Variants in CLCC1 observed in about 807,000 individuals in gnomAD.
The protein encoded by CLCC1 is chloride channel CLIC-like protein 1.
CLCC1 carries 39 observed loss-of-function variants against 63.3 expected under a neutral mutation model. The observed-to-expected ratio is 0.62, with a 90% CI of 0.48 to 0.81. The LOEUF is 0.81. Ranked by LOEUF, CLCC1 falls within the 30% of genes least tolerant of loss-of-function variation. The pLI is 0.00. For synonymous variants in CLCC1, 217 were observed against 239.8 expected, an observed-to-expected ratio of 0.90 and a Z score of 0.88; for missense variants, 549 against 669.4, an observed-to-expected ratio of 0.82 and a Z score of 1.98.
intron 5 of CLCC1, among the ~76,000 whole-genome samples, chr1:108,946,126 C>T (rs1214207967): frequency 1.3e-5 from 2 of 152,042 alleles, no homozygotes; most frequent in East Asian, 1.9e-4. Context: ...CTGGCTAACA[C>T]GGTGAAACCC....
chr1:108,939,698 T>C lies in CLCC1; in HGVS notation c.979A>G (p.Met327Val). 2 of 1,614,196 alleles carry C rather than the reference T, an allele frequency of 1.2e-6. No individual in the cohort carries two copies. The highest frequency in any genetic ancestry group is 1.7e-6 in the Non-Finnish European group (2 of 1,180,034). The change falls in exon 10 of 13, where the codon ATG becomes GTG. Residue 327 changes from methionine (M) to valine (V), a missense_variant. Physicochemically the swap from Met to Val is conservative, Grantham distance 21. Transcript: ENST00000369969. ...KGTGEFIKAL[M>V]KEIPALLHLP... ...TGAAGCAGCGCTGGAATTTCCTTCA[T>C]GAGTGCTTTAATAAATTCCCCAGTT...
At chr1:108,954,842 G>GTGTGTGTGTA (rs1404613831) in intron 2 of CLCC1, among the ~76,000 whole-genome samples, 1 of 150,358 alleles carries the variant, frequency 6.7e-6, no homozygotes, top group Admixed American at 6.6e-5. Context: ...GTGTGTGTGT[G>GTGTGTGTGTA]TGTGTGTGTG....
chr1:108,957,425 T>C (rs1656057902), intron 2 of CLCC1, among the ~76,000 whole-genome samples: 1 of 151,346 alleles, frequency 6.6e-6, no homozygotes. Context: ...GCAGCCAAAC[T>C]ATGCAGGCAC....
rs1653167589 is a variant in CLCC1 at position 108,937,342 on chromosome 1, G to A, written c.1118C>T (p.Ala373Val). The change falls in exon 11 of 13, where the codon GCA becomes GTA. Residue 373 changes from alanine to valine, a missense_variant. Coordinates refer to ENST00000369969, the MANE Select transcript of CLCC1 (RefSeq NM_001377458.1). ...IGGPESEPPQ[A>V]LRPRDRRRQE... is the part of the protein sequence containing the mutation. Reference sequence around the variant, plus strand: ...CCGTCTTCTATCCCGTGGCCGAAGTGCCTGGGGAGGTTCGCTCTCAGGACC... The same window carrying A: ...CCGTCTTCTATCCCGTGGCCGAAGTACCTGGGGAGGTTCGCTCTCAGGACC... 6.2e-7 allele frequency: 1 copy of A among 1,614,194 alleles called. No homozygotes were observed.
intron 3 of CLCC1, 59 bp from the exon 4 acceptor site, chr1:108,949,980 T>C (rs1333139847): frequency 1.7e-5 from 18 of 1,053,644 alleles, no homozygotes; most frequent in Non-Finnish European, 2.6e-5. Context: ...AAATAGCCTT[T>C]GGTTAATGAA....
chr1:108,929,825 G>A lies in CLCC1; in HGVS notation c.*2722C>T. 6.2e-7 allele frequency: 1 copy of A among 1,614,080 alleles called. No homozygotes were observed. Among genetic ancestry groups the A allele is most frequent in the Non-Finnish European group, 8.5e-7 (1 of 1,179,980 alleles). ...CAGGGAAAGAGAATGGATGAACAGA[G>A]AGTTCTTTTACAAAGAGATCAAAAC... On this transcript the variant is annotated 3_prime_UTR_variant, in exon 13 of 13. Coordinates refer to ENST00000369969, the MANE Select transcript of CLCC1 (RefSeq NM_001377458.1).
Position 108,931,436 on chromosome 1 carries a change from G to T in CLCC1, c.*1111C>A. 6.4e-7 allele frequency: 1 copy of T among 1,550,972 alleles called. No homozygotes were observed. The highest frequency in any genetic ancestry group is 8.7e-7 in the Non-Finnish European group (1 of 1,147,078). ...TCACAGACTGCAAAGGCCCACGCTT[G>T]GAACAAGTTGCCAACTTGTTTCACT... is the stretch of plus-strand genomic sequence containing the variant. On this transcript the variant is annotated 3_prime_UTR_variant, in exon 13 of 13. Transcript: ENST00000369969.
intron 11 of CLCC1, 131 bp from the exon 12 acceptor site, chr1:108,935,073 C>G: frequency 1.2e-6 from 1 of 833,780 alleles, no homozygotes; most frequent in South Asian, 1.9e-5. Context: ...GGGTCCAGTG[C>G]TGGGTTATAA....
At chr1:108,935,355 A>G (rs892690327) in intron 11 of CLCC1, among the ~76,000 whole-genome samples, 4 of 152,280 alleles carry the variant, frequency 2.6e-5, no homozygotes, top group Non-Finnish European at 5.9e-5. Context: ...TTAGAAGAAA[A>G]TCACACAAGT....
In CLCC1 at chr1:108,943,479, T is replaced by A; in HGVS notation, c.698A>T (p.Tyr233Phe). 1 of 1,613,520 alleles carries A rather than the reference T, an allele frequency of 6.2e-7. No homozygotes were observed. Among genetic ancestry groups the A allele is most frequent in the Non-Finnish European group, 8.5e-7 (1 of 1,179,666 alleles). Residue 233 changes from tyrosine (Y) to phenylalanine (F), a missense_variant, in exon 7 of 13, where the codon TAT (tyrosine) becomes TTT (phenylalanine). Tyr to Phe is a conservative substitution (Grantham distance 22). Transcript: ENST00000369969. ...AACCCTCCATCCATATAATACCTTATATAAATACATCCAATTCCATCCCAA... is the reference window on the plus strand; with the variant it reads ...AACCCTCCATCCATATAATACCTTAAATAAATACATCCAATTCCATCCCAA... ...FSLGWNWMYLYKLAFAQHQAE... is the reference protein window; with the variant it reads ...FSLGWNWMYLFKLAFAQHQAE...
At position 108,931,627 on chromosome 1, in the gene CLCC1, C is replaced by CT. The variant is rs1011666116; in HGVS notation, c.*919dup. On this transcript the variant is annotated 3_prime_UTR_variant, in exon 13 of 13. Transcript: ENST00000369969. ...GGAATTAATTACATTAAGTGCTCAG[C>CT]TAAAAAAAAAAAAAAAGTTCTAAAT... 8.9e-6 allele frequency: 9 copies of CT among 1,011,690 alleles called. No homozygotes were observed. Among genetic ancestry groups the CT allele is most frequent in the African/African-American group, 7.8e-5 (3 of 38,356 alleles). 62.7% of individuals were successfully genotyped at this position (1,011,690 alleles called of 1,614,324 possible). A position where few individuals can be genotyped will look rare whatever the true frequency, so the allele number is the denominator to read the frequency against.
At chr1:108,935,601 C>T (rs1652796037) in intron 11 of CLCC1, among the ~76,000 whole-genome samples, 1 of 151,890 alleles carries the variant, frequency 6.6e-6, no homozygotes, top group African/African-American at 2.4e-5. Flanking sequence ...CCCATATCCA[C>T]AAAAAATAAA....
At chr1:108,935,929 G>A (rs1652867395) in intron 11 of CLCC1, among the ~76,000 whole-genome samples, 1 of 152,102 alleles carries the variant, frequency 6.6e-6, no homozygotes, top group Admixed American at 6.5e-5. Flanking sequence ...GGTGACCAGA[G>A]AGGTAGTGGA....
intron 2 of CLCC1, among the ~76,000 whole-genome samples, chr1:108,953,862 T>A (rs1655509267): frequency 6.6e-6 from 1 of 151,130 alleles, no homozygotes; most frequent in Admixed American, 6.6e-5. Context: ...AATACAAAAT[T>A]AGCTGGGTAT....
At chr1:108,946,712 A>G (rs532851394) in intron 5 of CLCC1, among the ~76,000 whole-genome samples, 4 of 152,206 alleles carry the variant, frequency 2.6e-5, no homozygotes, top group Non-Finnish European at 5.9e-5. Context: ...ATAGGAAAAA[A>G]AAAGTCTATG....
chr1:108,962,019 G>A (rs913483584), intron 2 of CLCC1, among the ~76,000 whole-genome samples: 1 of 152,146 alleles, frequency 6.6e-6, no homozygotes, highest in Admixed American at 6.5e-5. Context: ...CTAGTAAGTG[G>A]TAGAACCCAG....
At chr1:108,937,026 AT>A (rs1653120354) in intron 11 of CLCC1, 50 bp downstream of exon 11, 1 of 1,322,070 alleles carries the variant, frequency 7.6e-7, no homozygotes, top group African/African-American at 1.5e-5. Context: ...TTCCAGAAGG[AT>A]TTAGAACCAG....
At chr1:108,950,571 G>T in intron 2 of CLCC1, 123 bp from the exon 3 acceptor site, 1 of 449,640 alleles carries the variant, frequency 2.2e-6, no homozygotes, top group Non-Finnish European at 3.4e-6. Context: ...GCCCAGGCTG[G>T]AGTACAGTGA....
intron 12 of CLCC1, chr1:108,934,101 A>T (rs1345128572): frequency 6.6e-6 from 1 of 152,346 alleles, no homozygotes; most frequent in African/African-American, 2.4e-5. Flanking sequence ...AAACAAAGTA[A>T]AAGGAACAAT....
Sources: gnomAD v4.1 joint callset for allele counts (sites outside exome capture counted in the v4.1 genomes callset) on GRCh38, gnomAD v4.1.1 for gene constraint, MANE v1.5 for transcripts, NCBI Gene and HGNC (gene_info 2026-07-23, HGNC 2026-07-21) for gene names.